ERBB4: variants seen among roughly 807,000 people sequenced by gnomAD.
The protein encoded by ERBB4 is receptor tyrosine-protein kinase erbB-4.
Under a neutral mutation model 158.0 loss-of-function variants are expected in ERBB4, and 42 were observed. That is an observed-to-expected ratio of 0.27 (90% CI 0.21 to 0.34). The LOEUF (loss-of-function observed/expected upper bound fraction) is 0.34, where lower values mean the gene tolerates loss of function less well. Among genes scored for constraint, ERBB4 ranks in the 10% least tolerant of loss-of-function variants. The pLI, the probability that ERBB4 is intolerant of heterozygous loss-of-function variation, is 1.00. For missense variants in ERBB4, 1,333 were observed against 1,624.1 expected, an observed-to-expected ratio of 0.82 and a Z score of 3.08; for synonymous variants, 583 against 558.7, an observed-to-expected ratio of 1.04 and a Z score of -0.61.
intron 2 of ERBB4, among the ~76,000 whole-genome samples, chr2:212,015,118 T>G: frequency 8.5e-6 from 1 of 117,814 alleles, no homozygotes; most frequent in Non-Finnish European, 1.7e-5. Context: ...ATATAAAAAT[T>G]AGCCGGGCAT....
intron 15 of ERBB4, among the ~76,000 whole-genome samples, chr2:211,660,319 G>C (rs930949037): frequency 6.6e-6 from 1 of 152,182 alleles, no homozygotes; most frequent in Non-Finnish European, 1.5e-5. Context: ...CCACGTAAGA[G>C]ATGATGGACC....
intron 1 of ERBB4, among the ~76,000 whole-genome samples, chr2:212,299,501 G>A (rs772209257): frequency 6.6e-6 from 1 of 151,564 alleles, no homozygotes; most frequent in Non-Finnish European, 1.5e-5. Flanking sequence ...TTTCTTCCAC[G>A]AATATTTGAG....
rs561538613 is a variant in ERBB4 at position 212,520,487 on chromosome 2, C to T, written c.82+17962G>A. Among the ~76,000 whole-genome samples the T allele has an allele frequency of 2.0e-5, 3 of 152,040 alleles. No individual in the cohort carries two copies. The South Asian group carries it at 6.2e-4, about 31-fold the overall frequency. On this transcript the variant is annotated intron_variant, in intron 1 of 27. Coordinates refer to ENST00000342788, the MANE Select transcript of ERBB4 (RefSeq NM_005235.3). ...TATAGCTCATGGTTTGTCCCAGAAA[C>T]TGATGGAAATCTAATCACACATCCC...
chr2:211,563,053 T>G (rs761558588), intron 19 of ERBB4, among the ~76,000 whole-genome samples: 4 of 152,168 alleles, frequency 2.6e-5, no homozygotes, highest in Non-Finnish European at 5.9e-5. Flanking sequence ...AACTTTTATA[T>G]TTCATAAAAT....
chr2:211,675,262 G>T (rs116046646), intron 13 of ERBB4, among the ~76,000 whole-genome samples: 4,129 of 152,124 alleles, frequency 0.027, 152 homozygotes, highest in African/African-American at 0.082. Context: ...CAGTTTTGTT[G>T]TATGTGTTAA....
chr2:211,395,698 A>G (rs2062899220), intron 25 of ERBB4, among the ~76,000 whole-genome samples: 1 of 152,040 alleles, frequency 6.6e-6, no homozygotes, highest in African/African-American at 2.4e-5. Flanking sequence ...CCATACACAT[A>G]TTAATTAACA....
intron 1 of ERBB4, among the ~76,000 whole-genome samples, chr2:212,386,353 A>G (rs1261487336): frequency 6.6e-6 from 1 of 151,876 alleles, no homozygotes; most frequent in African/African-American, 2.4e-5. Context: ...AGAATCTCTC[A>G]TTCTTTCTCC....
Position 211,628,902 on chromosome 2 carries a change from G to T in ERBB4, c.2079+1560C>A, listed in dbSNP as rs574074986. Among the ~76,000 whole-genome samples the T allele has an allele frequency of 4.3e-3, 648 of 152,226 alleles. 3 individuals are homozygous for T. Among genetic ancestry groups the T allele is most frequent in the African/African-American group, 0.015 (609 of 41,524 alleles). ...TGGTATCTCATTGTGGTTTTGATTTGCATTTCTCTGATGGCCAGTGATGAT... is the reference window on the plus strand; with the variant it reads ...TGGTATCTCATTGTGGTTTTGATTTTCATTTCTCTGATGGCCAGTGATGAT... On this transcript the variant is annotated intron_variant, in intron 17 of 27. Coordinates refer to ENST00000342788, the MANE Select transcript of ERBB4 (RefSeq NM_005235.3).
rs772930625 is a variant in ERBB4 at position 211,383,604 on chromosome 2, C to A, written c.*11G>T. The A allele has an allele frequency of 6.2e-7, 1 of 1,611,446 alleles. No homozygotes were observed. The highest frequency in any genetic ancestry group is 1.1e-5 in the South Asian group (1 of 90,902). On this transcript the variant is annotated 3_prime_UTR_variant, in exon 28 of 28. Transcript: ENST00000342788. ...AGGTGTGTCTCTCCACCTAAAAAAC[C>A]ACAACTGAGCTTACACCACAGTATT...
intron 27 of ERBB4, among the ~76,000 whole-genome samples, chr2:211,384,423 A>G (rs1345822910): frequency 6.6e-6 from 1 of 152,188 alleles, no homozygotes; most frequent in African/African-American, 2.4e-5. Context: ...AGGATTAAAT[A>G]GTCTTTAAAT....
At chr2:212,132,790 C>G (rs1454370020) in intron 1 of ERBB4, among the ~76,000 whole-genome samples, 1 of 151,878 alleles carries the variant, frequency 6.6e-6, no homozygotes. Context: ...TGTGTGCGCG[C>G]TATATATAGC....
rs1559317147 is a variant in ERBB4, at chr2:211,580,814, T to TATATATATATA, written c.2302-18727_2302-18726insTATATATATAT. 3.7e-4 allele frequency among the ~76,000 whole-genome samples: 19 copies of TATATATATATA among 51,052 alleles called. 1 individual carries two copies. The highest frequency in any genetic ancestry group is 1.3e-3 in the African/African-American group (19 of 14,288). The allele number at this position is 51,052 out of a possible 152,430, so 33.5% of individuals were successfully genotyped here. ...TATATATATATATATATATATATAA[T>TATATATATATA]ATATATATATTATATATATAGATTA... On this transcript the variant is annotated intron_variant, in intron 19 of 27. Coordinates refer to ENST00000342788, the MANE Select transcript of ERBB4 (RefSeq NM_005235.3).
intron 2 of ERBB4, among the ~76,000 whole-genome samples, chr2:212,087,811 G>T (rs2078660977): frequency 6.6e-6 from 1 of 152,128 alleles, no homozygotes; most frequent in South Asian, 2.1e-4. Context: ...CATTTTAAAA[G>T]CAGAAAAGGG....
chr2:211,637,799 C>T (rs2070416223), intron 16 of ERBB4, among the ~76,000 whole-genome samples: 1 of 151,882 alleles, frequency 6.6e-6, no homozygotes, highest in East Asian at 1.9e-4. Context: ...AATAGTAATG[C>T]TAACATTTTA....
At chr2:212,300,751 A>G (rs931678501) in intron 1 of ERBB4, among the ~76,000 whole-genome samples, 1 of 151,452 alleles carries the variant, frequency 6.6e-6, no homozygotes, top group Non-Finnish European at 1.5e-5. Flanking sequence ...AACCATTAAC[A>G]ATGGACTAAG....
chr2:211,399,910 G>T (rs902009711), intron 25 of ERBB4, among the ~76,000 whole-genome samples: 1 of 152,054 alleles, frequency 6.6e-6, no homozygotes, highest in African/African-American at 2.4e-5. Flanking sequence ...TCTACAAGTG[G>T]TACATATCAC....
chr2:211,738,470 G>A (rs2074682340), intron 5 of ERBB4, among the ~76,000 whole-genome samples: 1 of 149,284 alleles, frequency 6.7e-6, no homozygotes, highest in Non-Finnish European at 1.5e-5. Context: ...CCAGGTTCAA[G>A]GGATTCTCCT....
intron 9 of ERBB4, among the ~76,000 whole-genome samples, chr2:211,709,254 C>CACAT (rs1402744514): frequency 9.8e-6 from 1 of 101,554 alleles, no homozygotes; most frequent in African/African-American, 3.9e-5. Flanking sequence ...TATATATACA[C>CACAT]ATATATATAT....
At chr2:211,779,956 A>G (rs2075993052) in intron 4 of ERBB4, among the ~76,000 whole-genome samples, 1 of 152,142 alleles carries the variant, frequency 6.6e-6, no homozygotes, top group Admixed American at 6.5e-5. Flanking sequence ...CACATCTCCT[A>G]TTACAGAAGA....
Sources: allele counts gnomAD v4.1 joint callset (sites outside exome capture counted in the v4.1 genomes callset), GRCh38; gene constraint gnomAD v4.1.1; transcripts MANE v1.5; gene names NCBI Gene and HGNC (gene_info 2026-07-23, HGNC 2026-07-21).